Variants in ELMO1 observed in about 807,000 individuals in gnomAD.
ELMO1 encodes the protein engulfment and cell motility protein 1.
A neutral mutation model predicts 98.9 loss-of-function variants in ELMO1; 26 were observed. That is an observed-to-expected ratio of 0.26 (90% confidence interval 0.19 to 0.36). ELMO1 has a LOEUF of 0.36. Among genes scored for constraint, ELMO1 ranks in the 10% least tolerant of loss-of-function variants. The pLI is 1.00. For missense variants in ELMO1, 627 were observed against 935.2 expected (o/e 0.67, Z 4.30); for synonymous variants, 346 against 346.0 (o/e 1.00, Z 0.00).
At chr7:36,884,310 G>T (rs10226484) in intron 18 of ELMO1, among the ~76,000 whole-genome samples, 47,993 of 142,928 alleles carry the variant, frequency 0.34, 8,035 homozygotes, top group African/African-American at 0.4. Context: ...GAGCGAGACT[G>T]TCTCAAAAAA....
intron 16 of ELMO1, among the ~76,000 whole-genome samples, chr7:36,932,631 C>G (rs1214011219): frequency 2.0e-5 from 3 of 152,214 alleles, no homozygotes; most frequent in Non-Finnish European, 4.4e-5. Context: ...GCTTCTGTAA[C>G]TGAAGAAAAA....
At chr7:36,987,323 A>C (rs1407410480) in intron 16 of ELMO1, among the ~76,000 whole-genome samples, 2 of 152,264 alleles carry the variant, frequency 1.3e-5, no homozygotes, top group East Asian at 3.9e-4. Flanking sequence ...CTGAGCAGTG[A>C]ATGGCTGCAC....
At chr7:37,053,838 GAT>G (rs1258229673) in intron 15 of ELMO1, among the ~76,000 whole-genome samples, 1 of 152,028 alleles carries the variant, frequency 6.6e-6, no homozygotes, top group Non-Finnish European at 1.5e-5. Flanking sequence ...TATAGAATTT[GAT>G]ATGTTTTATT....
intron 1 of ELMO1, among the ~76,000 whole-genome samples, chr7:37,447,624 C>T (rs1243640894): frequency 6.7e-6 from 1 of 149,224 alleles, no homozygotes; most frequent in African/African-American, 2.6e-5. Context: ...CCGACTCACA[C>T]ACACACCCAC....
At chr7:37,443,904 C>A (rs1805510814) in intron 1 of ELMO1, among the ~76,000 whole-genome samples, 1 of 152,150 alleles carries the variant, frequency 6.6e-6, no homozygotes, top group African/African-American at 2.4e-5. Flanking sequence ...TGCAGAAGTT[C>A]TCAGACTCTT....
rs1562830018 is a variant in ELMO1, at chr7:36,926,344, GACCCA to G, written c.1438-31332_1438-31328del. 6.6e-5 allele frequency among the ~76,000 whole-genome samples: 10 copies of G among 152,326 alleles called. No individual in the cohort carries two copies. The South Asian group carries it at 1.9e-3, about 28-fold the overall frequency. On this transcript the variant is annotated intron_variant, in intron 16 of 21. Coordinates refer to ENST00000310758, the MANE Select transcript of ELMO1 (RefSeq NM_014800.11). Reference sequence around the variant, plus strand: ...CACATATAGTTAGTGACAAGGGTAGGACCCAGGCCTCACTCAACTCCCATCCCTCT... The same window carrying G: ...CACATATAGTTAGTGACAAGGGTAGGGGCCTCACTCAACTCCCATCCCTCT...
intron 16 of ELMO1, among the ~76,000 whole-genome samples, chr7:36,907,993 C>T (rs1451536892): frequency 1.3e-5 from 2 of 152,216 alleles, no homozygotes; most frequent in East Asian, 3.8e-4. Flanking sequence ...TCCCAATAAG[C>T]ACTAACTAGA....
intron 1 of ELMO1, among the ~76,000 whole-genome samples, chr7:37,395,778 T>C (rs1319660766): frequency 6.6e-6 from 1 of 151,698 alleles, no homozygotes; most frequent in Non-Finnish European, 1.5e-5. Flanking sequence ...CTTCTCTATA[T>C]ACTCACTGTA....
At chr7:37,364,959 G>A (rs1457969222) in intron 1 of ELMO1, among the ~76,000 whole-genome samples, 1 of 152,194 alleles carries the variant, frequency 6.6e-6, no homozygotes, top group Non-Finnish European at 1.5e-5. Flanking sequence ...GTGAATGACT[G>A]TCATAACTTG....
At chr7:37,232,789 T>A (rs2130624296) in intron 8 of ELMO1, among the ~76,000 whole-genome samples, 1 of 152,346 alleles carries the variant, frequency 6.6e-6, no homozygotes, top group Middle Eastern at 3.4e-3. Flanking sequence ...GAACTCTGTT[T>A]AGGTCTTGAA....
At chr7:37,125,577 G>T (rs1212362589) in intron 14 of ELMO1, among the ~76,000 whole-genome samples, 1 of 151,260 alleles carries the variant, frequency 6.6e-6, no homozygotes, top group African/African-American at 2.4e-5. Context: ...CAAAGCAAAA[G>T]CACAAAGAGA....
chr7:36,905,102 G>A (rs1277563729), intron 16 of ELMO1, among the ~76,000 whole-genome samples: 1 of 152,166 alleles, frequency 6.6e-6, no homozygotes, highest in Non-Finnish European at 1.5e-5. Flanking sequence ...GACACGGTGG[G>A]GGAAAAGCAG....
intron 13 of ELMO1, 114 bp from the exon 14 acceptor site, chr7:37,133,348 T>G: frequency 1.4e-6 from 1 of 693,478 alleles, no homozygotes. Context: ...GTCCAAATAA[T>G]CAAACATGAT....
chr7:37,169,721 A>T (rs547069471), intron 13 of ELMO1, among the ~76,000 whole-genome samples: 1 of 152,314 alleles, frequency 6.6e-6, no homozygotes, highest in African/African-American at 2.4e-5. Flanking sequence ...GATTTGAGGG[A>T]GGCACATGTC....
chr7:37,297,408 A>G (rs1798090269), intron 4 of ELMO1, among the ~76,000 whole-genome samples: 1 of 152,212 alleles, frequency 6.6e-6, no homozygotes, highest in South Asian at 2.1e-4. Context: ...GTCTAAGACT[A>G]CTGTGAATCC....
rs368558073 is a variant in ELMO1 at position 36,954,252 on chromosome 7, G to A, written c.1437+59047C>T. On this transcript the variant is annotated intron_variant, in intron 16 of 21. Coordinates refer to ENST00000310758, the MANE Select transcript of ELMO1 (RefSeq NM_014800.11). ...CCTCATTCACAGGTGAGGAATTGGA[G>A]GTTTGGAAAGTAAGGGAATTAATGG... 6.6e-4 allele frequency among the ~76,000 whole-genome samples: 101 copies of A among 152,268 alleles called. No individual in the cohort carries two copies. The Middle Eastern group carries it at 0.021, about 31-fold the overall frequency.
intron 15 of ELMO1, among the ~76,000 whole-genome samples, chr7:37,093,071 G>A (rs1784204544): frequency 6.6e-6 from 1 of 151,936 alleles, no homozygotes; most frequent in South Asian, 2.1e-4. Flanking sequence ...GAATAACCTT[G>A]ACAAAGTGCT....
chr7:37,382,170 C>T (rs1259661531), intron 1 of ELMO1, among the ~76,000 whole-genome samples: 1 of 152,114 alleles, frequency 6.6e-6, no homozygotes, highest in Non-Finnish European at 1.5e-5. Context: ...AGTTTCCTTC[C>T]TACTACTTAG....
At chr7:37,120,782 T>A (rs1032136758) in intron 14 of ELMO1, among the ~76,000 whole-genome samples, 1 of 152,132 alleles carries the variant, frequency 6.6e-6, no homozygotes, top group African/African-American at 2.4e-5. Context: ...GAGTAGTGGT[T>A]CTCCCAGCAT....
Sources: allele counts gnomAD v4.1 joint callset (sites outside exome capture counted in the v4.1 genomes callset), GRCh38; gene constraint gnomAD v4.1.1; transcripts MANE v1.5; gene names NCBI Gene and HGNC (gene_info 2026-07-23, HGNC 2026-07-21).